The following AKT3 variants were observed in gnomAD, a reference collection of about 807,000 sequenced individuals.
AKT3 encodes RAC-gamma serine/threonine-protein kinase.
Under a neutral mutation model 65.3 loss-of-function variants are expected in AKT3, and 15 were observed. The observed-to-expected ratio is 0.23, with a 90% CI of 0.15 to 0.35. The LOEUF is 0.35. Among genes scored for constraint, AKT3 ranks in the 10% least tolerant of loss-of-function variants. AKT3 has a pLI of 1.00. For synonymous variants in AKT3, 206 were observed against 183.8 expected (o/e 1.12, Z -0.98); for missense variants, 243 against 576.5 (o/e 0.42, Z 5.92).
Position 243,623,353 on chromosome 1 carries a change from C to T in AKT3, c.562-8192G>A, listed in dbSNP as rs1230797454. Among the ~76,000 whole-genome samples the T allele has an allele frequency of 2.0e-5, 3 of 152,130 alleles. No individual in the cohort carries two copies. In the South Asian group the frequency reaches 6.2e-4, roughly 31 times the overall value. Reference sequence around the variant, plus strand: ...GAATTAAAATTAACCATCACAGATGCACTTATGTGTCAACTTGACTGGATT... The same window carrying T: ...GAATTAAAATTAACCATCACAGATGTACTTATGTGTCAACTTGACTGGATT... On this transcript the variant is annotated intron_variant, in intron 6 of 13. Transcript: ENST00000673466.
chr1:243,841,249 C>G (rs1695221925), intron 2 of AKT3, among the ~76,000 whole-genome samples: 1 of 151,844 alleles, frequency 6.6e-6, no homozygotes, highest in Non-Finnish European at 1.5e-5. Flanking sequence ...ATTAATTAAA[C>G]AGACTAAAGA....
intron 2 of AKT3, among the ~76,000 whole-genome samples, chr1:243,803,209 C>T (rs985130618): frequency 2.2e-4 from 34 of 152,108 alleles, no homozygotes; most frequent in African/African-American, 8.0e-4. Flanking sequence ...CCTAGCACTA[C>T]TATATTAAGG....
At chr1:243,506,387 T>A (rs971710730) in intron 13 of AKT3, among the ~76,000 whole-genome samples, 4 of 152,328 alleles carry the variant, frequency 2.6e-5, no homozygotes, top group Admixed American at 2.6e-4. Context: ...ATATAGGAAG[T>A]ACATTACCAA....
chr1:243,815,613 T>C (rs993431661), intron 2 of AKT3, among the ~76,000 whole-genome samples: 20 of 145,922 alleles, frequency 1.4e-4, no homozygotes, highest in Admixed American at 1.0e-3. Context: ...AAAATCTATA[T>C]TGCTTTTTTT....
chr1:243,662,779 T>C (rs1170676404), intron 4 of AKT3, among the ~76,000 whole-genome samples: 2 of 151,968 alleles, frequency 1.3e-5, no homozygotes, highest in Non-Finnish European at 2.9e-5. Context: ...CACCAGATTC[T>C]AGAGGTATAT....
At chr1:243,622,839 T>G (rs1173612605) in intron 6 of AKT3, among the ~76,000 whole-genome samples, 1 of 152,234 alleles carries the variant, frequency 6.6e-6, no homozygotes, top group East Asian at 1.9e-4. Flanking sequence ...AGTAACTGGC[T>G]GATCACGTTA....
intron 2 of AKT3, among the ~76,000 whole-genome samples, chr1:243,713,618 G>A (rs1051453470): frequency 6.6e-6 from 1 of 151,534 alleles, no homozygotes; most frequent in Non-Finnish European, 1.5e-5. Flanking sequence ...GTCAACAATC[G>A]GCATCAACAG....
At chr1:243,745,422 G>A (rs1162190204) in intron 2 of AKT3, among the ~76,000 whole-genome samples, 1 of 152,154 alleles carries the variant, frequency 6.6e-6, no homozygotes, top group East Asian at 1.9e-4. Context: ...AAAATGATCA[G>A]AGCATACTAA....
intron 2 of AKT3, among the ~76,000 whole-genome samples, chr1:243,784,768 G>C (rs796874409): frequency 1.9e-4 from 29 of 152,300 alleles, no homozygotes; most frequent in African/African-American, 7.0e-4. Flanking sequence ...AGCAGGGCTG[G>C]CCTTCACGGC....
intron 2 of AKT3, among the ~76,000 whole-genome samples, chr1:243,744,505 C>A (rs935302976): frequency 2.0e-5 from 3 of 151,830 alleles, no homozygotes; most frequent in Non-Finnish European, 4.4e-5. Context: ...TTTGGGAGGC[C>A]GAGGCGGGTG....
chr1:243,614,186 C>T (rs1018262212), intron 7 of AKT3, among the ~76,000 whole-genome samples: 1 of 152,070 alleles, frequency 6.6e-6, no homozygotes, highest in Non-Finnish European at 1.5e-5. Context: ...CACAACAGAA[C>T]CCAACCTAAC....
intron 3 of AKT3, among the ~76,000 whole-genome samples, chr1:243,692,712 C>T (rs1333195212): frequency 2.6e-5 from 4 of 151,648 alleles, no homozygotes; most frequent in Admixed American, 1.3e-4. Flanking sequence ...CACTCCAGCC[C>T]GGGGGACAGA....
intron 8 of AKT3, among the ~76,000 whole-genome samples, chr1:243,609,864 C>T (rs1677739188): frequency 6.6e-6 from 1 of 152,046 alleles, no homozygotes; most frequent in Non-Finnish European, 1.5e-5. Flanking sequence ...TTTAAGTACT[C>T]CGGGTTTAGA....
downstream of AKT3, among the ~76,000 whole-genome samples, chr1:243,497,669 C>T (rs1014290376): frequency 2.0e-5 from 3 of 152,110 alleles, no homozygotes; most frequent in Admixed American, 6.5e-5. Flanking sequence ...CAAAAAATTC[C>T]GCAACACATT....
intron 2 of AKT3, 133 bp from the exon 3 acceptor site, chr1:243,695,849 C>T: frequency 1.5e-6 from 1 of 662,456 alleles, no homozygotes; most frequent in Non-Finnish European, 2.1e-6. Context: ...TTTCTTTTAA[C>T]TTAGCTTACA....
intron 2 of AKT3, among the ~76,000 whole-genome samples, chr1:243,830,943 A>C (rs937263963): frequency 7.2e-5 from 11 of 152,148 alleles, no homozygotes; most frequent in Non-Finnish European, 1.5e-4. Flanking sequence ...GTTTTGCTAC[A>C]CAAAAATTTG....
chr1:243,607,716 G>A (rs1013503052), intron 8 of AKT3, among the ~76,000 whole-genome samples: 1 of 152,112 alleles, frequency 6.6e-6, no homozygotes, highest in Non-Finnish European at 1.5e-5. Flanking sequence ...AGATTTGGGA[G>A]GGGCCAGGAG....
chr1:243,497,033 C>T (rs540709200), downstream of AKT3, among the ~76,000 whole-genome samples: 5 of 152,278 alleles, frequency 3.3e-5, no homozygotes, highest in East Asian at 1.9e-4. Flanking sequence ...GGCAGAAGGA[C>T]GGGAGACACT....
At chr1:243,690,337 GGACA>G (rs1182505336) in intron 3 of AKT3, among the ~76,000 whole-genome samples, 1 of 152,048 alleles carries the variant, frequency 6.6e-6, no homozygotes, top group Admixed American at 6.6e-5. Context: ...CATGACTCCT[GGACA>G]GACAAACTGT....
Sources: allele counts gnomAD v4.1 joint callset (sites outside exome capture counted in the v4.1 genomes callset), GRCh38; gene constraint gnomAD v4.1.1; transcripts MANE v1.5; gene names NCBI Gene and HGNC (gene_info 2026-07-23, HGNC 2026-07-21).